Variants in DLG2 observed in about 807,000 individuals in gnomAD.
DLG2 encodes the protein disks large homolog 2.
DLG2 carries 45 observed loss-of-function variants against 132.5 expected under a neutral mutation model. The ratio of observed to expected loss-of-function variants is 0.34; its 90% CI spans 0.27 to 0.44. DLG2 has a LOEUF of 0.44. DLG2 is among the 20% of genes least tolerant of loss of function. DLG2 has a pLI of 1.00. For missense variants in DLG2, 1,045 were observed against 1,196.9 expected (o/e 0.87, Z 1.87); for synonymous variants, 424 against 419.6 (o/e 1.01, Z -0.13).
chr11:84,394,689 C>T (rs1002832846), intron 7 of DLG2, among the ~76,000 whole-genome samples: 9 of 115,526 alleles, frequency 7.8e-5, no homozygotes, highest in South Asian at 4.9e-4. Context: ...AGTGCAATGG[C>T]GTGATCTCAG....
At chr11:83,991,725 T>C (rs115579489) in intron 11 of DLG2, among the ~76,000 whole-genome samples, 138 of 152,182 alleles carry the variant, frequency 9.1e-4, no homozygotes, top group African/African-American at 3.3e-3. Context: ...TTACAAACCA[T>C]CCTTAATCCC....
chr11:83,466,958 G>T, intron 25 of DLG2, 141 bp from the exon 26 acceptor site: 2 of 590,378 alleles, frequency 3.4e-6, no homozygotes, highest in Non-Finnish European at 6.0e-6. Context: ...ACTGCAAAGA[G>T]TAAATAAAAA....
chr11:84,693,637 C>T (rs931612717), intron 6 of DLG2, among the ~76,000 whole-genome samples: 30 of 151,788 alleles, frequency 2.0e-4, no homozygotes, highest in East Asian at 5.8e-4. Flanking sequence ...TTGTTTTATA[C>T]GCCTACAGGA....
chr11:83,560,842 A>AT (rs5793070), intron 19 of DLG2, among the ~76,000 whole-genome samples: 72,020 of 151,976 alleles, frequency 0.47, 17,622 homozygotes, highest in Admixed American at 0.57. Flanking sequence ...TCCGTAAATC[A>AT]TTTTCCCCCT....
chr11:85,011,952 T>C (rs1484552331), intron 6 of DLG2, among the ~76,000 whole-genome samples: 1 of 152,190 alleles, frequency 6.6e-6, no homozygotes. Flanking sequence ...TAGAGGCACA[T>C]ATGAATTACT....
At chr11:83,961,213 C>T (rs1359692008) in intron 14 of DLG2, among the ~76,000 whole-genome samples, 1 of 151,984 alleles carries the variant, frequency 6.6e-6, no homozygotes, top group Non-Finnish European at 1.5e-5. Flanking sequence ...TTCCCTTGTA[C>T]AGGTGAGAAA....
At chr11:83,965,586 A>AG in intron 12 of DLG2, 118 bp from the exon 13 acceptor site, 1 of 776,238 alleles carries the variant, frequency 1.3e-6, no homozygotes, top group Non-Finnish European at 2.1e-6. Flanking sequence ...TATCCTTGAC[A>AG]TAACAGATGA....
intron 6 of DLG2, among the ~76,000 whole-genome samples, chr11:84,755,546 C>T (rs1404024147): frequency 6.6e-6 from 1 of 152,236 alleles, no homozygotes; most frequent in African/African-American, 2.4e-5. Flanking sequence ...GCCTCAGCCT[C>T]CCAAGTAGCT....
intron 7 of DLG2, among the ~76,000 whole-genome samples, chr11:84,305,016 T>C (rs1418618758): frequency 6.6e-6 from 1 of 152,180 alleles, no homozygotes; most frequent in Non-Finnish European, 1.5e-5. Flanking sequence ...TTTTTTAAAA[T>C]GTAGTGCCTT....
At chr11:85,048,807 T>G (rs1203265306) in intron 6 of DLG2, among the ~76,000 whole-genome samples, 2 of 151,998 alleles carry the variant, frequency 1.3e-5, no homozygotes, top group African/African-American at 4.8e-5. Flanking sequence ...GATTAAAAAA[T>G]TACTTGCATA....
chr11:83,486,735 T>C (rs2093537959), intron 21 of DLG2, among the ~76,000 whole-genome samples: 1 of 152,096 alleles, frequency 6.6e-6, no homozygotes, highest in African/African-American at 2.4e-5. Context: ...AAAAGCCATT[T>C]CAGATTGGAA....
intron 6 of DLG2, among the ~76,000 whole-genome samples, chr11:84,957,466 T>G (rs866488759): frequency 6.6e-6 from 1 of 152,214 alleles, no homozygotes; most frequent in African/African-American, 2.4e-5. Flanking sequence ...GTAATTTATA[T>G]AGGGCCACCT....
At chr11:85,089,791 G>A (rs1246242136) in intron 6 of DLG2, among the ~76,000 whole-genome samples, 1 of 152,226 alleles carries the variant, frequency 6.6e-6, no homozygotes, top group South Asian at 2.1e-4. Context: ...CTCAAAAGAA[G>A]ATACACAAGC....
intron 6 of DLG2, chr11:84,640,338 T>C (rs528213798): frequency 3.1e-4 from 109 of 349,216 alleles, no homozygotes; most frequent in African/African-American, 2.0e-3. Flanking sequence ...CCGAAATTTC[T>C]TGGATGAAAA....
intron 6 of DLG2, among the ~76,000 whole-genome samples, chr11:84,579,259 G>C (rs945265910): frequency 1.1e-4 from 17 of 151,246 alleles, no homozygotes; most frequent in Non-Finnish European, 2.9e-5. Flanking sequence ...ACCTTTGGTA[G>C]TACAAAAAGG....
chr11:84,159,374 G>C (rs2095497647), intron 9 of DLG2, among the ~76,000 whole-genome samples: 1 of 152,114 alleles, frequency 6.6e-6, no homozygotes, highest in African/African-American at 2.4e-5. Context: ...ACAGTGAACA[G>C]GGAAGATTTT....
At chr11:84,961,342 T>C (rs1019293514) in intron 6 of DLG2, among the ~76,000 whole-genome samples, 1 of 152,006 alleles carries the variant, frequency 6.6e-6, no homozygotes, top group Non-Finnish European at 1.5e-5. Context: ...AAGCTATTTG[T>C]AGCAAAAATA....
At chr11:84,455,079 AT>A (rs1360691798) in intron 7 of DLG2, among the ~76,000 whole-genome samples, 5 of 151,442 alleles carry the variant, frequency 3.3e-5, no homozygotes, top group Admixed American at 6.6e-5. Flanking sequence ...ATAAAGAAAT[AT>A]AAAATAATAA....
At position 84,623,140 on chromosome 11, in the gene DLG2, A is replaced by G. The variant is rs77336950; in HGVS notation, c.358-88409T>C. 7.5e-4 allele frequency among the ~76,000 whole-genome samples: 114 copies of G among 152,276 alleles called. 5 individuals are homozygous for G. In the East Asian group the frequency reaches 0.02, roughly 27 times the overall value. On this transcript the variant is annotated intron_variant, in intron 6 of 27. Coordinates refer to ENST00000376104, the MANE Select transcript of DLG2 (RefSeq NM_001142699.3). ...ATGCTGCTCTTCTGTTTATCATTAC[A>G]TGACTCCCTACTGATGACTGGATAT...
Sources: gnomAD v4.1 joint callset for allele counts (sites outside exome capture counted in the v4.1 genomes callset) on GRCh38, gnomAD v4.1.1 for gene constraint, MANE v1.5 for transcripts, NCBI Gene and HGNC (gene_info 2026-07-23, HGNC 2026-07-21) for gene names.